ARPC1A: variants seen among roughly 807,000 people sequenced by gnomAD.
ARPC1A encodes actin-related protein 2/3 complex subunit 1A.
In ARPC1A, 8 loss-of-function variants were observed where a neutral mutation model predicts 46.9. The ratio of observed to expected loss-of-function variants is 0.17; its 90% CI spans 0.10 to 0.31. The LOEUF (loss-of-function observed/expected upper bound fraction) is 0.31. Ranked by LOEUF, ARPC1A falls within the 10% of genes least tolerant of loss-of-function variation. The probability of loss-of-function intolerance (pLI) is 1.00; values close to 1 mark genes in which losing one functional copy is unlikely to be tolerated. For synonymous variants in ARPC1A, 152 were observed against 169.0 expected, an observed-to-expected ratio of 0.90 and a Z score of 0.78; for missense variants, 286 against 483.6, an observed-to-expected ratio of 0.59 and a Z score of 3.83.
rs1252944528 is a variant in ARPC1A at position 99,356,464 on chromosome 7, G to C, written c.714-1876G>C. 2.0e-5 allele frequency among the ~76,000 whole-genome samples: 3 copies of C among 152,012 alleles called. No individual in the cohort carries two copies. The East Asian group carries it at 5.8e-4, about 29-fold the overall frequency. On this transcript the variant is annotated intron_variant, in intron 6 of 9. Coordinates refer to ENST00000262942, the MANE Select transcript of ARPC1A (RefSeq NM_006409.4). ...TACTAAAAGTATAAAAATTAGCCAG[G>C]TGTGGTGGCATGCACCTGTAATCCC...
intron 8 of ARPC1A, among the ~76,000 whole-genome samples, chr7:99,363,212 T>C (rs1257376215): frequency 6.6e-6 from 1 of 152,102 alleles, no homozygotes; most frequent in African/African-American, 2.4e-5. Context: ...AATAATATGC[T>C]TTGGGGTATT....
chr7:99,354,504 G>C (rs1370177169), intron 6 of ARPC1A, among the ~76,000 whole-genome samples: 3 of 127,956 alleles, frequency 2.3e-5, no homozygotes, highest in East Asian at 5.2e-4. Flanking sequence ...CTGGGCGACA[G>C]AGTAAGACTC....
In ARPC1A at chr7:99,365,919, G is replaced by C; in HGVS notation, c.1103G>C (p.Arg368Pro). The change falls in exon 10 of 10, where the codon CGG becomes CCG. Residue 368 changes from arginine to proline, a missense_variant. Transcript: ENST00000262942. The stretch of plus-strand genomic sequence containing the variant: ...CTCGAGTCTTCCATCCAGGGCCTCC[G>C]GATAATGTGAAGCTGAGTGAGCCTC... ...KTLESSIQGL[R>P]IM 1 of 1,574,248 alleles carries C rather than the reference G, an allele frequency of 6.4e-7. No homozygotes were observed. Among genetic ancestry groups the C allele is most frequent in the Non-Finnish European group, 8.6e-7 (1 of 1,157,880 alleles).
intron 1 of ARPC1A, among the ~76,000 whole-genome samples, chr7:99,326,820 C>G (rs961938042): frequency 6.6e-6 from 1 of 152,178 alleles, no homozygotes; most frequent in Non-Finnish European, 1.5e-5. Flanking sequence ...TTTTCTATCT[C>G]CTCCACTCTC....
At chr7:99,363,716 C>T in intron 9 of ARPC1A, 83 bp downstream of exon 9, 1 of 1,039,628 alleles carries the variant, frequency 9.6e-7, no homozygotes, top group Admixed American at 2.8e-5. Flanking sequence ...TTCTCTGTCA[C>T]CCAGGTTGGA....
intron 8 of ARPC1A, among the ~76,000 whole-genome samples, chr7:99,362,389 TG>T (rs1292375255): frequency 7.2e-6 from 1 of 138,040 alleles, no homozygotes; most frequent in Non-Finnish European, 1.5e-5. Flanking sequence ...TGGAGTGCAG[TG>T]GCACGATCTT....
In ARPC1A at chr7:99,344,413, G is replaced by A. The variant is rs1247110812; in HGVS notation, c.290G>A (p.Arg97His). 1.2e-6 allele frequency: 2 copies of A among 1,613,860 alleles called. No homozygotes were observed. Among genetic ancestry groups the A allele is most frequent in the African/African-American group, 1.3e-5 (1 of 74,916 alleles). Reference sequence around the variant, plus strand: ...ACCCTGGTGATCCTGAGAATTAATCGCGCAGCTACTTTTGTGAAGTGGTCC... The same window carrying A: ...ACCCTGGTGATCCTGAGAATTAATCACGCAGCTACTTTTGTGAAGTGGTCC... Reference protein sequence around the residue: ...KPTLVILRINRAATFVKWSPL... With the variant: ...KPTLVILRINHAATFVKWSPL... The change falls in exon 4 of 10, where the codon CGC (arginine) becomes CAC (histidine). Residue 97 changes from arginine to histidine, a missense_variant. Arg to His is a conservative substitution (Grantham distance 29, BLOSUM62 0). This residue lies in a region of ARPC1A where 38 missense variants were observed against 95.8 expected (regional missense o/e 0.40). Transcript: ENST00000262942.
intron 1 of ARPC1A, among the ~76,000 whole-genome samples, chr7:99,326,248 C>T (rs1386569791): frequency 6.6e-6 from 1 of 152,180 alleles, no homozygotes; most frequent in Non-Finnish European, 1.5e-5. Context: ...ATTAACGGCC[C>T]CTTCTGCGCC....
intron 2 of ARPC1A, among the ~76,000 whole-genome samples, chr7:99,334,619 A>G (rs538994849): frequency 6.6e-6 from 1 of 152,118 alleles, no homozygotes; most frequent in Admixed American, 6.6e-5. Flanking sequence ...ATCCTGTAAG[A>G]TAGGGTTCCT....
At chr7:99,362,622 G>A (rs1219868546) in intron 8 of ARPC1A, among the ~76,000 whole-genome samples, 3 of 151,008 alleles carry the variant, frequency 2.0e-5, no homozygotes, top group Non-Finnish European at 4.4e-5. Flanking sequence ...GATTACAGGC[G>A]TGAGCCACTG....
intron 3 of ARPC1A, among the ~76,000 whole-genome samples, chr7:99,342,642 C>T (rs1793373657): frequency 6.6e-6 from 1 of 151,712 alleles, no homozygotes. Flanking sequence ...TATTTTCTTC[C>T]CTTCAGTGGT....
chr7:99,335,827 G>A (rs1376046369), intron 2 of ARPC1A, among the ~76,000 whole-genome samples: 4 of 152,068 alleles, frequency 2.6e-5, no homozygotes, highest in East Asian at 1.9e-4. Flanking sequence ...GGTGGCGGGC[G>A]CCTGTAGTCC....
chr7:99,333,241 T>C (rs548623382), intron 1 of ARPC1A, 84 bp from the exon 2 acceptor site: 8 of 853,722 alleles, frequency 9.4e-6, no homozygotes, highest in African/African-American at 1.7e-5. Flanking sequence ...TTTCCGAACA[T>C]CTTAAGATCC....
At chr7:99,328,198 C>T (rs941766895) in intron 1 of ARPC1A, among the ~76,000 whole-genome samples, 13 of 152,042 alleles carry the variant, frequency 8.6e-5, no homozygotes, top group Admixed American at 1.3e-4. Context: ...GGAGAAACCC[C>T]GTCTCTACTA....
chr7:99,334,535 G>A (rs923036127), intron 2 of ARPC1A, among the ~76,000 whole-genome samples: 1 of 152,112 alleles, frequency 6.6e-6, no homozygotes, highest in African/African-American at 2.4e-5. Flanking sequence ...CTATGCCTGT[G>A]TTTCCTTCTA....
intron 2 of ARPC1A, chr7:99,335,344 T>G (rs1793227583): frequency 2.4e-6 from 1 of 409,412 alleles, no homozygotes; most frequent in Non-Finnish European, 4.7e-6. Context: ...ATCCTCTCTG[T>G]TTTATTGCCT....
chr7:99,356,784 C>T (rs1328672863), intron 6 of ARPC1A, among the ~76,000 whole-genome samples: 1 of 151,982 alleles, frequency 6.6e-6, no homozygotes, highest in Non-Finnish European at 1.5e-5. Flanking sequence ...CTTGTAGTCC[C>T]AGCTACTCGG....
chr7:99,353,133 G>T (rs1366928103), intron 5 of ARPC1A, among the ~76,000 whole-genome samples: 12 of 149,980 alleles, frequency 8.0e-5, no homozygotes, highest in Non-Finnish European at 1.3e-4. Flanking sequence ...GTTATGTTAT[G>T]TTATGTTATG....
intron 9 of ARPC1A, 32 bp downstream of exon 9, chr7:99,363,665 T>C: frequency 1.9e-6 from 3 of 1,544,046 alleles, no homozygotes; most frequent in Non-Finnish European, 2.6e-6. Flanking sequence ...AAATTTTGTT[T>C]GTGTTAAAAC....
Sources: gnomAD v4.1 joint callset for allele counts (sites outside exome capture counted in the v4.1 genomes callset) on GRCh38, gnomAD v4.1.1 for gene constraint, gnomAD v4.1.1 regional missense constraint, MANE v1.5 for transcripts, NCBI Gene and HGNC (gene_info 2026-07-23, HGNC 2026-07-21) for gene names.